BMPR1B: variants seen among roughly 807,000 people sequenced by gnomAD.
BMPR1B encodes bone morphogenetic protein receptor type 1B, also known as bone morphogenetic protein receptor type-1B.
In BMPR1B, 12 loss-of-function variants were observed where a neutral mutation model predicts 59.1. The observed-to-expected ratio is 0.20, with a 90% CI of 0.13 to 0.33. The LOEUF is 0.33. BMPR1B is among the 10% of genes least tolerant of loss of function. The pLI is 1.00. For synonymous variants in BMPR1B, 237 were observed against 207.3 expected, an observed-to-expected ratio of 1.14 and a Z score of -1.23; for missense variants, 550 against 610.9, an observed-to-expected ratio of 0.90 and a Z score of 1.05.
chr4:94,906,401 A>C (rs971397317), intron 2 of BMPR1B, among the ~76,000 whole-genome samples: 1 of 152,080 alleles, frequency 6.6e-6, no homozygotes, highest in Non-Finnish European at 1.5e-5. Flanking sequence ...TTCGTGTCTT[A>C]TATGGGGAAA....
chr4:95,068,670 A>G (rs1407023879), intron 3 of BMPR1B, among the ~76,000 whole-genome samples: 2 of 152,184 alleles, frequency 1.3e-5, no homozygotes, highest in African/African-American at 2.4e-5. Context: ...TGGGTTGGCT[A>G]TACTTGGACT....
At chr4:94,928,025 AGAG>A (rs1255478753) in intron 2 of BMPR1B, among the ~76,000 whole-genome samples, 8 of 152,140 alleles carry the variant, frequency 5.3e-5, no homozygotes, top group Admixed American at 3.3e-4. Flanking sequence ...GGCAGTCAGA[AGAG>A]GAGCTGTTTG....
chr4:94,935,218 A>G (rs1348606), intron 2 of BMPR1B, among the ~76,000 whole-genome samples: 20,748 of 152,202 alleles, frequency 0.14, 1,619 homozygotes, highest in African/African-American at 0.21. Context: ...GGCACTAGAT[A>G]GAAACTAAAT....
chr4:94,994,601 G>A (rs538118714), intron 2 of BMPR1B, among the ~76,000 whole-genome samples: 73 of 152,118 alleles, frequency 4.8e-4, no homozygotes, highest in African/African-American at 1.7e-3. Flanking sequence ...TACCTGTGTC[G>A]ACAATAAGTT....
At chr4:94,858,118 T>TC (rs1725840069) in intron 1 of BMPR1B, among the ~76,000 whole-genome samples, 1 of 151,016 alleles carries the variant, frequency 6.6e-6, no homozygotes, top group Non-Finnish European at 1.5e-5. Context: ...GCTAATTTTT[T>TC]TTTTTGTATT....
intron 1 of BMPR1B, among the ~76,000 whole-genome samples, chr4:94,783,425 A>G (rs758688301): frequency 3.3e-5 from 5 of 152,160 alleles, no homozygotes; most frequent in Non-Finnish European, 7.3e-5. Context: ...TATTGTTTCT[A>G]GAGTACCCTT....
intron 1 of BMPR1B, among the ~76,000 whole-genome samples, chr4:94,762,881 G>T (rs1477997543): frequency 6.6e-6 from 1 of 151,606 alleles, no homozygotes; most frequent in Non-Finnish European, 1.5e-5. Context: ...TGCGGGGCTG[G>T]GGGCTGGGGG....
At chr4:95,080,865 A>T (rs180784225) in intron 3 of BMPR1B, among the ~76,000 whole-genome samples, 118 of 152,298 alleles carry the variant, frequency 7.7e-4, no homozygotes, top group African/African-American at 2.7e-3. Context: ...ATGTCTTTTT[A>T]ATATTCTGTG....
At chr4:94,827,198 T>TGC (rs1158772969) in intron 1 of BMPR1B, among the ~76,000 whole-genome samples, 2 of 152,118 alleles carry the variant, frequency 1.3e-5, no homozygotes, top group Non-Finnish European at 2.9e-5. Flanking sequence ...CACTTCCTTT[T>TGC]GCAAGTTTAG....
At chr4:95,089,334 T>C (rs1729816263) in intron 3 of BMPR1B, among the ~76,000 whole-genome samples, 1 of 152,046 alleles carries the variant, frequency 6.6e-6, no homozygotes, top group Admixed American at 6.6e-5. Flanking sequence ...TTGGCGGTGG[T>C]TTGTTTATTG....
At chr4:94,773,274 A>G (rs973134739) in intron 1 of BMPR1B, among the ~76,000 whole-genome samples, 2 of 152,146 alleles carry the variant, frequency 1.3e-5, no homozygotes, top group African/African-American at 4.8e-5. Context: ...ATAGTAGCAT[A>G]TATCATTAGT....
At chr4:94,760,434 T>A (rs1468336627) in intron 1 of BMPR1B, among the ~76,000 whole-genome samples, 1 of 152,236 alleles carries the variant, frequency 6.6e-6, no homozygotes, top group Non-Finnish European at 1.5e-5. Context: ...TTACAGTAAA[T>A]GCTGATTTAT....
rs765546645 is a variant in BMPR1B at position 95,156,436 on chromosome 4, T to C, written c.*1763T>C. ...GATTTTTGAAAATTTGACAGCTACATGAAACATGAGAAAACATTTTCCTCA... is the reference window on the plus strand; with the variant it reads ...GATTTTTGAAAATTTGACAGCTACACGAAACATGAGAAAACATTTTCCTCA... On this transcript the variant is annotated 3_prime_UTR_variant, in exon 13 of 13. Coordinates refer to ENST00000515059, the MANE Select transcript of BMPR1B (RefSeq NM_001203.3). 7.2e-5 allele frequency: 11 copies of C among 151,970 alleles called. No individual in the cohort carries two copies. The highest frequency in any genetic ancestry group is 1.5e-4 in the Non-Finnish European group (10 of 67,960). The allele number at this position is 151,970 out of a possible 1,614,324, so 9.4% of individuals were successfully genotyped here.
chr4:94,848,876 C>T lies in BMPR1B; in HGVS notation c.-182-26955C>T, dbSNP rs565257759. On this transcript the variant is annotated intron_variant, in intron 1 of 12. Coordinates refer to ENST00000515059, the MANE Select transcript of BMPR1B (RefSeq NM_001203.3). ...TAGTAGATAAATGAGAGGGAGGCATCGAGAACAATTCCAAGGATTTTTCCA... is the reference window on the plus strand; with the variant it reads ...TAGTAGATAAATGAGAGGGAGGCATTGAGAACAATTCCAAGGATTTTTCCA... Among the ~76,000 whole-genome samples, 5 of 152,172 alleles carry T rather than the reference C, an allele frequency of 3.3e-5. No individual in the cohort carries two copies. The East Asian group carries it at 5.8e-4, about 18-fold the overall frequency.
At chr4:94,774,974 G>T (rs888521432) in intron 1 of BMPR1B, among the ~76,000 whole-genome samples, 1 of 152,020 alleles carries the variant, frequency 6.6e-6, no homozygotes, top group African/African-American at 2.4e-5. Context: ...TGTATGATTT[G>T]TTGCATTTGT....
Position 94,874,811 on chromosome 4 carries a change from G to T in BMPR1B, c.-182-1020G>T, listed in dbSNP as rs182052169. ...GTTCGAGACCAGCCTGACCAATATGGTGAAACGCCGTCTCTACTAAAAATA... is the reference window on the plus strand; with the variant it reads ...GTTCGAGACCAGCCTGACCAATATGTTGAAACGCCGTCTCTACTAAAAATA... On this transcript the variant is annotated intron_variant, in intron 1 of 12. Transcript: ENST00000515059. Among the ~76,000 whole-genome samples the T allele has an allele frequency of 5.7e-3, 867 of 152,120 alleles. 7 individuals carry two copies. Among genetic ancestry groups the T allele is most frequent in the African/African-American group, 0.02 (819 of 41,486 alleles).
In BMPR1B at chr4:95,107,012, G is replaced by A. The variant is rs911501975; in HGVS notation, c.143+2445G>A. Among the ~76,000 whole-genome samples the A allele has an allele frequency of 5.9e-5, 9 of 151,708 alleles. No homozygotes were observed. The South Asian group carries it at 1.7e-3, about 28-fold the overall frequency. On this transcript the variant is annotated intron_variant, in intron 4 of 12. Coordinates refer to ENST00000515059, the MANE Select transcript of BMPR1B (RefSeq NM_001203.3). ...AAAGGAGTAATCTTTTAAGGCTTCT[G>A]CTCATATTGTGTCCTCTGACATTGA...
chr4:95,118,842 A>G (rs2149283733), intron 6 of BMPR1B, among the ~76,000 whole-genome samples: 2 of 152,298 alleles, frequency 1.3e-5, no homozygotes, highest in South Asian at 4.1e-4. Context: ...TCATGAGAGA[A>G]GACAAGGAGG....
intron 3 of BMPR1B, among the ~76,000 whole-genome samples, chr4:95,067,582 A>G (rs1482605428): frequency 1.3e-5 from 2 of 152,236 alleles, no homozygotes; most frequent in African/African-American, 2.4e-5. Context: ...CTGCATGAAC[A>G]GCATTAACAA....
Sources: gnomAD v4.1 joint callset for allele counts (sites outside exome capture counted in the v4.1 genomes callset) on GRCh38, gnomAD v4.1.1 for gene constraint, MANE v1.5 for transcripts, NCBI Gene and HGNC (gene_info 2026-07-23, HGNC 2026-07-21) for gene names.